ASF1B: variants seen among roughly 807,000 people sequenced by gnomAD.
ASF1B encodes the protein histone chaperone ASF1B.
Under a neutral mutation model 16.6 loss-of-function variants are expected in ASF1B, and 10 were observed. That is an observed-to-expected ratio of 0.60 (90% CI 0.37 to 1.02). ASF1B has a LOEUF of 1.02. Ranked by LOEUF, ASF1B falls within the 50% of genes least tolerant of loss-of-function variation. ASF1B has a pLI of 0.01. For synonymous variants in ASF1B, 101 were observed against 106.2 expected, an observed-to-expected ratio of 0.95 and a Z score of 0.30; for missense variants, 240 against 266.0, an observed-to-expected ratio of 0.90 and a Z score of 0.68.
Position 14,136,560 on chromosome 19 carries a change from C to T in ASF1B, c.-104G>A, listed in dbSNP as rs879792270. 9.5e-6 allele frequency: 8 copies of T among 843,940 alleles called. No homozygotes were observed. The highest frequency in any genetic ancestry group is 1.7e-5 in the African/African-American group (1 of 58,262). 52.3% of individuals were successfully genotyped at this position (843,940 alleles called of 1,614,324 possible). A position where few individuals can be genotyped will look rare whatever the true frequency, so the allele number is the denominator to read the frequency against. On this transcript the variant is annotated 5_prime_UTR_variant, in exon 1 of 4. Coordinates refer to ENST00000263382, the MANE Select transcript of ASF1B (RefSeq NM_018154.3). ...TGGGGTAGGGCTGACCAGGTCCACT[C>T]CCGCCTCTTCTCTCCGAGAACTGAA...
chr19:14,131,188 T>C (rs1408920956), intron 1 of ASF1B, among the ~76,000 whole-genome samples: 1 of 149,410 alleles, frequency 6.7e-6, no homozygotes, highest in African/African-American at 2.5e-5. Flanking sequence ...ATTTTTTTTT[T>C]CTTTTTTTTT....
Position 14,133,802 on chromosome 19 carries a change from T to G in ASF1B, c.109+2546A>C, listed in dbSNP as rs536681139. Among the ~76,000 whole-genome samples the G allele has an allele frequency of 1.7e-4, 21 of 124,788 alleles. 1 individual carries two copies. In the South Asian group the frequency reaches 4.1e-3, roughly 24 times the overall value. The allele number at this position is 124,788 out of a possible 152,430, so 81.9% of individuals were successfully genotyped here. A position where few individuals can be genotyped will look rare whatever the true frequency, so the allele number is the denominator to read the frequency against. ...CAGATAATGACCGCACAACCATTTT[T>G]TTTTTTTTTTTTTTTTTTTGAGACG... On this transcript the variant is annotated intron_variant, in intron 1 of 3. Transcript: ENST00000263382.
At chr19:14,124,527 A>AT (rs1967289513) in intron 2 of ASF1B, among the ~76,000 whole-genome samples, 1 of 152,286 alleles carries the variant, frequency 6.6e-6, no homozygotes, top group East Asian at 1.9e-4. Flanking sequence ...CATGGGTTCC[A>AT]TATGTGCAAG....
At chr19:14,126,505 CTT>C (rs1004810511) in intron 1 of ASF1B, among the ~76,000 whole-genome samples, 1 of 151,882 alleles carries the variant, frequency 6.6e-6, no homozygotes, top group Non-Finnish European at 1.5e-5. Flanking sequence ...GAGTTTCACT[CTT>C]GTCACCCAGG....
chr19:14,125,792 A>G (rs1023990128), intron 2 of ASF1B, among the ~76,000 whole-genome samples: 6 of 152,076 alleles, frequency 3.9e-5, no homozygotes, highest in East Asian at 1.9e-4. Context: ...GCCTCAAGCA[A>G]TCCTCCCACC....
chr19:14,130,791 A>ATG (rs1967391959), intron 1 of ASF1B, among the ~76,000 whole-genome samples: 1 of 148,654 alleles, frequency 6.7e-6, no homozygotes, highest in African/African-American at 2.5e-5. Context: ...TTGTGTGTAT[A>ATG]TATATATATA....
intron 1 of ASF1B, among the ~76,000 whole-genome samples, chr19:14,132,309 T>TGA (rs1967417906): frequency 6.6e-6 from 1 of 152,162 alleles, no homozygotes; most frequent in Non-Finnish European, 1.5e-5. Flanking sequence ...ATTACAGGCA[T>TGA]GAGCCACCTC....
intron 1 of ASF1B, among the ~76,000 whole-genome samples, chr19:14,130,714 C>G (rs1967388982): frequency 6.6e-6 from 1 of 151,494 alleles, no homozygotes; most frequent in Non-Finnish European, 1.5e-5. Context: ...TCAACTGTGT[C>G]CCATGTTATC....
chr19:14,125,698 G>A (rs1400021198), intron 2 of ASF1B, among the ~76,000 whole-genome samples: 3 of 152,034 alleles, frequency 2.0e-5, no homozygotes, highest in African/African-American at 4.8e-5. Context: ...GACTACAGGC[G>A]CACACCACCA....
intron 2 of ASF1B, among the ~76,000 whole-genome samples, chr19:14,125,912 A>G (rs937471921): frequency 1.1e-4 from 17 of 152,116 alleles, no homozygotes; most frequent in African/African-American, 3.6e-4. Flanking sequence ...TGTGTTGCCT[A>G]GGCTGGAGTG....
chr19:14,122,168 T>A (rs1340607329), intron 2 of ASF1B, among the ~76,000 whole-genome samples: 1 of 151,904 alleles, frequency 6.6e-6, no homozygotes, highest in African/African-American at 2.4e-5. Context: ...TGACCTCAGG[T>A]GATCCACCCG....
chr19:14,128,294 C>T (rs981996483), intron 1 of ASF1B, among the ~76,000 whole-genome samples: 7 of 152,330 alleles, frequency 4.6e-5, no homozygotes, highest in African/African-American at 1.7e-4. Flanking sequence ...TGGAAGCATG[C>T]TGCTGCCAGG....
Position 14,136,348 on chromosome 19 carries a change from C to T in ASF1B, c.109G>A (p.Asp37Asn), listed in dbSNP as rs1967500101. ...GGTCCCCGCACAGGCCCAGCCTCAC[C>T]GTCCGCCAGGGCTTCACTGCACTCG... ...SFECSEALADDLEWKIIYVGS... is the reference protein window; with the variant it reads ...SFECSEALADNLEWKIIYVGS... The change falls in exon 1 of 4, where the codon GAC (aspartate) becomes AAC (asparagine). Residue 37 changes from aspartate (D) to asparagine (N), a missense_variant and splice_region_variant. Asp to Asn is a conservative substitution (Grantham distance 23, BLOSUM62 1). Transcript: ENST00000263382. The T allele has an allele frequency of 1.9e-6, 3 of 1,612,572 alleles. No individual in the cohort carries two copies. The highest frequency in any genetic ancestry group is 1.3e-5 in the African/African-American group (1 of 74,894).
chr19:14,120,808 C>T, intron 3 of ASF1B, 143 bp from the exon 4 acceptor site: 1 of 653,150 alleles, frequency 1.5e-6, no homozygotes, highest in Non-Finnish European at 2.6e-6. Flanking sequence ...TGGCCAGGAC[C>T]TTATTTATTT....
chr19:14,130,145 G>A (rs900011240), intron 1 of ASF1B, among the ~76,000 whole-genome samples: 2 of 151,538 alleles, frequency 1.3e-5, no homozygotes, highest in Non-Finnish European at 2.9e-5. Flanking sequence ...TGCAAGCTCC[G>A]CCTCCCGGGT....
intron 1 of ASF1B, among the ~76,000 whole-genome samples, chr19:14,131,194 T>TC: frequency 6.7e-6 from 1 of 149,830 alleles, no homozygotes; most frequent in African/African-American, 2.5e-5. Context: ...TTTTTCTTTT[T>TC]TTTTTTTTGA....
At chr19:14,122,191 A>G (rs1046012838) in intron 2 of ASF1B, among the ~76,000 whole-genome samples, 4 of 151,930 alleles carry the variant, frequency 2.6e-5, no homozygotes, top group African/African-American at 9.7e-5. Flanking sequence ...TTGGACTCCT[A>G]AAGTGTTGGG....
intron 2 of ASF1B, among the ~76,000 whole-genome samples, chr19:14,121,943 T>G (rs1599356301): frequency 1.3e-5 from 2 of 151,324 alleles, no homozygotes; most frequent in East Asian, 3.9e-4. Context: ...TTTTTGGTAT[T>G]TTTTTTTAAT....
At chr19:14,133,875 C>T (rs997793604) in intron 1 of ASF1B, among the ~76,000 whole-genome samples, 4 of 140,114 alleles carry the variant, frequency 2.9e-5, no homozygotes, top group Non-Finnish European at 6.1e-5. Context: ...GCGATCTCGG[C>T]TCACTGCAAG....
Sources: allele counts gnomAD v4.1 joint callset (sites outside exome capture counted in the v4.1 genomes callset), GRCh38; gene constraint gnomAD v4.1.1; transcripts MANE v1.5; gene names NCBI Gene and HGNC (gene_info 2026-07-23, HGNC 2026-07-21).